Variants in SCRG1 observed in about 807,000 individuals in gnomAD.
SCRG1 encodes the protein stimulator of chondrogenesis 1.
In SCRG1, 3 loss-of-function variants were observed where a neutral mutation model predicts 7.7. The ratio of observed to expected loss-of-function variants is 0.39; its 90% CI spans 0.18 to 1.01. The LOEUF is 1.01. Among genes scored for constraint, SCRG1 ranks in the 50% least tolerant of loss-of-function variants. The pLI is 0.36. For missense variants in SCRG1, 110 were observed against 117.2 expected (o/e 0.94, Z 0.28); for synonymous variants, 46 against 41.2 (o/e 1.12, Z -0.44).
At chr4:173,498,587 T>C in the SCRG1 span, among the ~76,000 whole-genome samples, 6 of 152,236 alleles carry the variant, frequency 3.9e-5, no homozygotes, top group African/African-American at 1.2e-4. Context: ...GGTTCCAGTG[T>C]TGGCTTTGCT....
chr4:173,505,930 G>C, the SCRG1 span, among the ~76,000 whole-genome samples: 1 of 152,178 alleles, frequency 6.6e-6, no homozygotes, highest in African/African-American at 2.4e-5. The surrounding 1 kb of genome is among the most constrained non-coding windows in gnomAD (Gnocchi z 4.4). Flanking sequence ...CCTCTGACAA[G>C]TGGAGAAACG....
the SCRG1 span, among the ~76,000 whole-genome samples, chr4:173,501,820 T>G: frequency 6.6e-6 from 1 of 152,180 alleles, no homozygotes; most frequent in Non-Finnish European, 1.5e-5. This position sits in a 1 kb window ranked among gnomAD's most constrained non-coding sequence, Gnocchi z 5.1. Flanking sequence ...GGAAATGAAC[T>G]GGATACACAC....
chr4:173,485,057 ATATATT>A, the SCRG1 span, among the ~76,000 whole-genome samples: 2 of 8,764 alleles, frequency 2.3e-4, no homozygotes, highest in African/African-American at 5.4e-4. Context: ...ATAATATATT[ATATATT>A]ATATATTATA....
chr4:173,395,759 C>T (rs968172788), intron 1 of SCRG1, among the ~76,000 whole-genome samples: 8 of 152,092 alleles, frequency 5.3e-5, no homozygotes, highest in African/African-American at 1.9e-4. Flanking sequence ...AGCTGGTTAA[C>T]CATTTGGAGA....
intron 1 of SCRG1, among the ~76,000 whole-genome samples, chr4:173,392,462 A>G (rs909274705): frequency 6.6e-6 from 1 of 152,224 alleles, no homozygotes; most frequent in Non-Finnish European, 1.5e-5. Flanking sequence ...ATTGTAAAAT[A>G]CTTTTCTGTG....
At chr4:173,405,180 A>G (rs1739869838) in intron 1 of SCRG1, among the ~76,000 whole-genome samples, 1 of 152,144 alleles carries the variant, frequency 6.6e-6, no homozygotes, top group Non-Finnish European at 1.5e-5. Flanking sequence ...GTTTTTGATG[A>G]CTTTGACCGT....
At chr4:173,399,031 G>A (rs567983624) in intron 1 of SCRG1, 37 bp downstream of exon 1, 77 of 152,252 alleles carry the variant, frequency 5.1e-4, no homozygotes, top group African/African-American at 1.8e-3. Context: ...TAGAACAACT[G>A]ACATAAGATG....
upstream of SCRG1, among the ~76,000 whole-genome samples, chr4:173,409,619 C>T (rs568921370): frequency 6.1e-4 from 81 of 133,098 alleles, no homozygotes; most frequent in Non-Finnish European, 7.1e-4. Flanking sequence ...GACAGAGTCT[C>T]GCTCTGTTGC....
rs893537804 is a variant in SCRG1, at chr4:173,386,263, T to C, written c.*2078A>G. The C allele has an allele frequency of 2.6e-5, 4 of 152,156 alleles. No homozygotes were observed. The highest frequency in any genetic ancestry group is 9.7e-5 in the African/African-American group (4 of 41,220). 9.4% of individuals were successfully genotyped at this position (152,156 alleles called of 1,614,324 possible). On this transcript the variant is annotated 3_prime_UTR_variant, in exon 3 of 3. Transcript: ENST00000296506. ...CATTCTCCTGCCTCAGCCTCCCAAA[T>C]AGCTGGGACTAGAGGCGCCTGCCAC...
the SCRG1 span, among the ~76,000 whole-genome samples, chr4:173,492,632 A>G: frequency 1.3e-5 from 2 of 152,198 alleles, no homozygotes; most frequent in African/African-American, 2.4e-5. Flanking sequence ...AGCGGCAACC[A>G]TCAGAGCCCC....
At chr4:173,473,195 A>G in the SCRG1 span, among the ~76,000 whole-genome samples, 1 of 152,356 alleles carries the variant, frequency 6.6e-6, no homozygotes, top group Non-Finnish European at 1.5e-5. Flanking sequence ...TGTGCCAGGC[A>G]TATGGCACAC....
At chr4:173,430,603 A>G in the SCRG1 span, among the ~76,000 whole-genome samples, 6 of 152,234 alleles carry the variant, frequency 3.9e-5, no homozygotes, top group South Asian at 1.2e-3. Flanking sequence ...TGCCTGGGCA[A>G]CATACTGAAA....
At chr4:173,480,421 G>T in the SCRG1 span, among the ~76,000 whole-genome samples, 3 of 151,998 alleles carry the variant, frequency 2.0e-5, no homozygotes, top group South Asian at 6.2e-4. Flanking sequence ...TGAGAAAAGG[G>T]GAAACAGGGC....
the SCRG1 span, among the ~76,000 whole-genome samples, chr4:173,502,613 T>G: frequency 6.6e-6 from 1 of 152,132 alleles, no homozygotes; most frequent in Non-Finnish European, 1.5e-5. This position sits in a 1 kb window ranked among gnomAD's most constrained non-coding sequence, Gnocchi z 4.6. Flanking sequence ...CCTGGTGGCC[T>G]GAGGCTGCAA....
chr4:173,396,189 G>A (rs535036124), intron 1 of SCRG1, among the ~76,000 whole-genome samples: 1 of 152,312 alleles, frequency 6.6e-6, no homozygotes, highest in Non-Finnish European at 1.5e-5. Context: ...CAATTTTGGG[G>A]GGAATCCAGA....
the SCRG1 span, among the ~76,000 whole-genome samples, chr4:173,416,198 A>T: frequency 6.6e-6 from 1 of 152,232 alleles, no homozygotes; most frequent in Non-Finnish European, 1.5e-5. Flanking sequence ...ACGATGACTT[A>T]TCCTGCTCAA....
the SCRG1 span, among the ~76,000 whole-genome samples, chr4:173,425,367 T>C: frequency 6.6e-6 from 1 of 152,262 alleles, no homozygotes; most frequent in Non-Finnish European, 1.5e-5. Context: ...GATCACTGTA[T>C]GCTTTTCTTG....
At chr4:173,389,409 G>T (rs1236704832) in intron 2 of SCRG1, among the ~76,000 whole-genome samples, 1 of 152,064 alleles carries the variant, frequency 6.6e-6, no homozygotes, top group Non-Finnish European at 1.5e-5. Flanking sequence ...GGTGGCGGGC[G>T]CCTGTAGTCC....
upstream of SCRG1, among the ~76,000 whole-genome samples, chr4:173,411,282 C>T (rs995127537): frequency 6.6e-6 from 1 of 152,226 alleles, no homozygotes; most frequent in Non-Finnish European, 1.5e-5. Context: ...TTAGCAATTT[C>T]TTTTGTACAG....
Sources: allele counts gnomAD v4.1 joint callset (sites outside exome capture counted in the v4.1 genomes callset), GRCh38; gene constraint gnomAD v4.1.1; non-coding constraint Gnocchi (gnomAD v3.1); transcripts MANE v1.5; gene names NCBI Gene and HGNC (gene_info 2026-07-23, HGNC 2026-07-21).